Variants in LRMDA observed in about 807,000 individuals in gnomAD.
The protein encoded by LRMDA is leucine-rich melanocyte differentiation-associated protein.
LRMDA carries 18 observed loss-of-function variants against 29.8 expected under a neutral mutation model. That is an observed-to-expected ratio of 0.60 (90% CI 0.42 to 0.90). LRMDA has a LOEUF of 0.90. LRMDA is among the 40% of genes least tolerant of loss of function. The probability of loss-of-function intolerance (pLI) is 0.00; values close to 1 mark genes in which losing one functional copy is unlikely to be tolerated. For missense variants in LRMDA, 273 were observed against 273.9 expected (o/e 1.00, Z 0.02); for synonymous variants, 125 against 109.4 (o/e 1.14, Z -0.89).
intron 3 of LRMDA, among the ~76,000 whole-genome samples, chr10:76,042,832 ATT>A (rs1389013738): frequency 6.6e-6 from 1 of 152,136 alleles, no homozygotes; most frequent in East Asian, 1.9e-4. Context: ...CAGTTTCACC[ATT>A]TGTTATTGGT....
intron 2 of LRMDA, among the ~76,000 whole-genome samples, chr10:75,625,827 A>G (rs1841242788): frequency 1.3e-5 from 2 of 151,838 alleles, no homozygotes; most frequent in African/African-American, 4.8e-5. Flanking sequence ...TCTTTATTAC[A>G]TGGTATACTT....
At chr10:75,934,137 G>A (rs905189481) in intron 2 of LRMDA, among the ~76,000 whole-genome samples, 1 of 152,162 alleles carries the variant, frequency 6.6e-6, no homozygotes, top group African/African-American at 2.4e-5. Context: ...TAAGGAGAAG[G>A]CATCACCTGC....
chr10:75,708,498 T>G (rs1226393505), intron 2 of LRMDA, among the ~76,000 whole-genome samples: 2 of 152,124 alleles, frequency 1.3e-5, no homozygotes, highest in African/African-American at 4.8e-5. Context: ...GCTTTCTAGT[T>G]TTATAGTTAT....
At chr10:76,000,449 C>T (rs1271720382) in intron 2 of LRMDA, among the ~76,000 whole-genome samples, 1 of 152,166 alleles carries the variant, frequency 6.6e-6, no homozygotes, top group Non-Finnish European at 1.5e-5. Flanking sequence ...CTTAGTTCCC[C>T]TGGATGATGG....
intron 2 of LRMDA, among the ~76,000 whole-genome samples, chr10:76,014,053 G>A (rs1847831499): frequency 7.0e-6 from 1 of 141,958 alleles, no homozygotes; most frequent in African/African-American, 2.6e-5. Flanking sequence ...GAAGTTGGTG[G>A]TCAACTGCTG....
At chr10:75,608,023 T>A (rs1840978144) in intron 2 of LRMDA, among the ~76,000 whole-genome samples, 2 of 149,690 alleles carry the variant, frequency 1.3e-5, no homozygotes. Context: ...TGATTTTATT[T>A]CCATCAGATA....
At chr10:76,554,609 G>A (rs974394499) in intron 6 of LRMDA, among the ~76,000 whole-genome samples, 43 of 152,020 alleles carry the variant, frequency 2.8e-4, no homozygotes, top group African/African-American at 7.7e-4. Context: ...TTGCTTCCAG[G>A]CCCAAAGAAA....
intron 2 of LRMDA, among the ~76,000 whole-genome samples, chr10:75,525,047 A>G (rs953032333): frequency 2.4e-4 from 37 of 152,176 alleles, no homozygotes; most frequent in Admixed American, 2.1e-3. Context: ...TAATTTATTT[A>G]TTGACTCATA....
chr10:75,531,626 C>T (rs1372333614), intron 2 of LRMDA, among the ~76,000 whole-genome samples: 1 of 152,204 alleles, frequency 6.6e-6, no homozygotes, highest in African/African-American at 2.4e-5. Flanking sequence ...TTGGTTTTCT[C>T]TGGCTCTAAA....
At chr10:75,623,358 A>G (rs1189764465) in intron 2 of LRMDA, among the ~76,000 whole-genome samples, 3 of 152,192 alleles carry the variant, frequency 2.0e-5, no homozygotes, top group Non-Finnish European at 2.9e-5. Flanking sequence ...TGGATGGGCT[A>G]CTGTCAAAGA....
intron 5 of LRMDA, among the ~76,000 whole-genome samples, chr10:76,301,014 G>A (rs1177172063): frequency 6.6e-6 from 1 of 151,970 alleles, no homozygotes; most frequent in Non-Finnish European, 1.5e-5. Flanking sequence ...ATATGCTTTT[G>A]GACCAATCAA....
chr10:75,919,871 T>C (rs1845998811), intron 2 of LRMDA, among the ~76,000 whole-genome samples: 1 of 152,174 alleles, frequency 6.6e-6, no homozygotes, highest in African/African-American at 2.4e-5. Flanking sequence ...CTGATGCTTC[T>C]CTGACACGTC....
intron 2 of LRMDA, among the ~76,000 whole-genome samples, chr10:75,527,287 A>G (rs1845424562): frequency 6.6e-6 from 1 of 152,186 alleles, no homozygotes; most frequent in Non-Finnish European, 1.5e-5. Context: ...TTAACAGATA[A>G]TGGATATCTG....
chr10:76,378,010 C>T (rs1014382986), intron 6 of LRMDA, among the ~76,000 whole-genome samples: 1 of 151,960 alleles, frequency 6.6e-6, no homozygotes, highest in African/African-American at 2.4e-5. Flanking sequence ...ACTTTTTAAT[C>T]CATGGGCATG....
chr10:75,475,725 A>AAC (rs1426586298), intron 2 of LRMDA, among the ~76,000 whole-genome samples: 5 of 152,310 alleles, frequency 3.3e-5, no homozygotes, highest in African/African-American at 1.2e-4. Context: ...AGAGAAATGG[A>AAC]ACTTTCTCTG....
chr10:76,250,023 C>G (rs1852446718), intron 5 of LRMDA, among the ~76,000 whole-genome samples: 1 of 152,136 alleles, frequency 6.6e-6, no homozygotes, highest in Non-Finnish European at 1.5e-5. Flanking sequence ...CCACCTTGGT[C>G]TTGAACTCCT....
chr10:75,807,296 G>A (rs916895957), intron 2 of LRMDA, among the ~76,000 whole-genome samples: 4 of 152,094 alleles, frequency 2.6e-5, no homozygotes, highest in African/African-American at 7.2e-5. Context: ...AAGAGAAGTC[G>A]AGCCCTTCCA....
chr10:75,697,201 C>A (rs888124329), intron 2 of LRMDA, among the ~76,000 whole-genome samples: 1 of 152,064 alleles, frequency 6.6e-6, no homozygotes, highest in Non-Finnish European at 1.5e-5. Flanking sequence ...ATACCTGGCC[C>A]CCTTTAAGAG....
intron 2 of LRMDA, among the ~76,000 whole-genome samples, chr10:75,771,230 C>T (rs1180074632): frequency 8.6e-5 from 13 of 151,736 alleles, no homozygotes; most frequent in Admixed American, 8.5e-4. Flanking sequence ...TATTGGCTCA[C>T]TCTACACAGG....
Sources: gnomAD v4.1 joint callset for allele counts (sites outside exome capture counted in the v4.1 genomes callset) on GRCh38, gnomAD v4.1.1 for gene constraint, MANE v1.5 for transcripts, NCBI Gene and HGNC (gene_info 2026-07-23, HGNC 2026-07-21) for gene names.